The following FBN2 variants were observed in gnomAD, a reference collection of about 807,000 sequenced individuals.
FBN2 encodes fibrillin 2, also known as fibrillin-2.
In FBN2, 105 loss-of-function variants were observed where a neutral mutation model predicts 355.6. The ratio of observed to expected loss-of-function variants is 0.30; its 90% CI spans 0.25 to 0.35. The LOEUF is 0.35. Ranked by LOEUF, FBN2 falls within the 10% of genes least tolerant of loss-of-function variation. FBN2 has a pLI of 1.00. For missense variants in FBN2, 3,280 were observed against 3,758.7 expected, an observed-to-expected ratio of 0.87 and a Z score of 3.33; for synonymous variants, 1,350 against 1,301.2, an observed-to-expected ratio of 1.04 and a Z score of -0.81.
chr5:128,328,320 TA>T, intron 34 of FBN2: 1 of 457,342 alleles, frequency 2.2e-6, no homozygotes, highest in South Asian at 2.5e-5. Flanking sequence ...ATGAGCTTTT[TA>T]TGATTTTGAT....
At chr5:128,520,385 C>T (rs1481667607) in intron 4 of FBN2, among the ~76,000 whole-genome samples, 1 of 152,226 alleles carries the variant, frequency 6.6e-6, no homozygotes, top group African/African-American at 2.4e-5. Flanking sequence ...ATCTACCCAC[C>T]CTGTTGAAAC....
intron 5 of FBN2, among the ~76,000 whole-genome samples, chr5:128,468,724 T>C (rs1165557884): frequency 6.6e-6 from 1 of 152,216 alleles, no homozygotes; most frequent in Non-Finnish European, 1.5e-5. Flanking sequence ...AAGTCCTTTT[T>C]ACACAATTAG....
At chr5:128,527,183 T>C (rs763260001) in intron 4 of FBN2, among the ~76,000 whole-genome samples, 5 of 152,168 alleles carry the variant, frequency 3.3e-5, no homozygotes, top group Admixed American at 6.5e-5. Flanking sequence ...TTCCCAAAAA[T>C]GTCCCACAAT....
At chr5:128,285,744 T>C (rs74391138) in intron 55 of FBN2, among the ~76,000 whole-genome samples, 2,590 of 152,166 alleles carry the variant, frequency 0.017, 76 homozygotes, top group African/African-American at 0.059. Context: ...GTTCTTAATC[T>C]GATCACAGTG....
chr5:128,407,405 A>G (rs1038076136), intron 8 of FBN2, among the ~76,000 whole-genome samples: 1 of 152,204 alleles, frequency 6.6e-6, no homozygotes, highest in Non-Finnish European at 1.5e-5. Flanking sequence ...ATAATGAAGA[A>G]TATTTTATTG....
chr5:128,422,223 A>C (rs1274745615), intron 7 of FBN2, among the ~76,000 whole-genome samples: 2 of 152,212 alleles, frequency 1.3e-5, no homozygotes, highest in East Asian at 3.8e-4. Flanking sequence ...TAAGCCACAA[A>C]GTTTGTGGCA....
chr5:128,422,410 A>T (rs2127018089), intron 7 of FBN2, among the ~76,000 whole-genome samples: 1 of 152,326 alleles, frequency 6.6e-6, no homozygotes, highest in East Asian at 1.9e-4. Context: ...TTTTGGGAAA[A>T]TTTACAGTGA....
chr5:128,402,200 G>C (rs911226845), intron 8 of FBN2, among the ~76,000 whole-genome samples: 2 of 152,034 alleles, frequency 1.3e-5, no homozygotes, highest in African/African-American at 4.8e-5. Context: ...GCACCTGTTA[G>C]AAACAAGAGT....
intron 64 of FBN2, among the ~76,000 whole-genome samples, chr5:128,261,284 G>A (rs1279308627): frequency 1.3e-5 from 2 of 152,088 alleles, no homozygotes; most frequent in Non-Finnish European, 2.9e-5. Context: ...TGATTTGGAA[G>A]ACAAAACTTC....
At chr5:128,335,697 T>G in intron 28 of FBN2, 120 bp from the exon 29 acceptor site, 1 of 1,208,766 alleles carries the variant, frequency 8.3e-7, no homozygotes, top group Non-Finnish European at 1.2e-6. Context: ...GTGTGTTGAT[T>G]GAACATTATC....
At chr5:128,266,294 T>G (rs1294871194) in intron 62 of FBN2, among the ~76,000 whole-genome samples, 3 of 152,210 alleles carry the variant, frequency 2.0e-5, no homozygotes, top group Non-Finnish European at 2.9e-5. Flanking sequence ...GTACTCATTT[T>G]AGTAGAATAA....
At chr5:128,330,353 T>C (rs1750660561) in intron 33 of FBN2, among the ~76,000 whole-genome samples, 1 of 152,220 alleles carries the variant, frequency 6.6e-6, no homozygotes. Context: ...ACATGATTGT[T>C]ACAAATGCCG....
intron 35 of FBN2, 93 bp downstream of exon 35, chr5:128,318,786 T>C (rs1044521143): frequency 4.4e-6 from 6 of 1,357,310 alleles, no homozygotes; most frequent in Non-Finnish European, 6.3e-6. Flanking sequence ...AATGCATAGA[T>C]TAGCTAAGCA....
intron 40 of FBN2, 134 bp downstream of exon 40, chr5:128,309,849 C>A: frequency 9.7e-7 from 1 of 1,027,374 alleles, no homozygotes; most frequent in Non-Finnish European, 1.5e-6. Flanking sequence ...AAGCCAGCAG[C>A]TTGCAAGACT....
intron 6 of FBN2, among the ~76,000 whole-genome samples, chr5:128,458,840 A>G (rs1487454196): frequency 2.6e-5 from 4 of 152,168 alleles, no homozygotes; most frequent in African/African-American, 9.7e-5. Flanking sequence ...CCCACATCAG[A>G]AAGCTATAAA....
At chr5:128,407,735 G>A (rs1752966216) in intron 8 of FBN2, among the ~76,000 whole-genome samples, 1 of 152,090 alleles carries the variant, frequency 6.6e-6, no homozygotes, top group Non-Finnish European at 1.5e-5. Context: ...GGTGGCCTAC[G>A]ACTTCTAGCT....
chr5:128,453,725 CA>C (rs1754315755), intron 6 of FBN2, among the ~76,000 whole-genome samples: 1 of 151,966 alleles, frequency 6.6e-6, no homozygotes, highest in Non-Finnish European at 1.5e-5. Context: ...TGCTGAAATG[CA>C]GAGTGGGGAA....
intron 48 of FBN2, among the ~76,000 whole-genome samples, chr5:128,297,521 C>T (rs1581197267): frequency 1.3e-5 from 2 of 152,112 alleles, no homozygotes; most frequent in Admixed American, 1.3e-4. Context: ...CTGGGTGCTC[C>T]TGTATTGGGT....
At chr5:128,444,767 A>G (rs6883276) in intron 7 of FBN2, among the ~76,000 whole-genome samples, 17,591 of 152,258 alleles carry the variant, frequency 0.12, 1,228 homozygotes, top group African/African-American at 0.19. Flanking sequence ...GAAATGTAAC[A>G]TAGAAAAGCC....
Sources: gnomAD v4.1 joint callset for allele counts (sites outside exome capture counted in the v4.1 genomes callset) on GRCh38, gnomAD v4.1.1 for gene constraint, MANE v1.5 for transcripts, NCBI Gene and HGNC (gene_info 2026-07-23, HGNC 2026-07-21) for gene names.